B4GALT1: variants seen among roughly 807,000 people sequenced by gnomAD.
B4GALT1 encodes beta-1,4-galactosyltransferase 1.
B4GALT1 carries 16 observed loss-of-function variants against 34.9 expected under a neutral mutation model. That is an observed-to-expected ratio of 0.46 (90% confidence interval 0.31 to 0.70). The LOEUF (loss-of-function observed/expected upper bound fraction) is 0.70, where lower values mean the gene tolerates loss of function less well. Among genes scored for constraint, B4GALT1 ranks in the 30% least tolerant of loss-of-function variants. The pLI is 0.05. For missense variants in B4GALT1, 445 were observed against 530.5 expected, an observed-to-expected ratio of 0.84 and a Z score of 1.58; for synonymous variants, 221 against 218.1, an observed-to-expected ratio of 1.01 and a Z score of -0.12.
At chr9:33,120,679 A>T (rs1263863113) in intron 2 of B4GALT1, 73 bp from the exon 3 acceptor site, 4 of 1,473,850 alleles carry the variant, frequency 2.7e-6, no homozygotes, top group Non-Finnish European at 3.7e-6. Context: ...GGGACTGGTG[A>T]CTTGTCCACT....
chr9:33,126,815 C>G lies in B4GALT1; in HGVS notation c.649-6209G>C, dbSNP rs373429288. On this transcript the variant is annotated intron_variant, in intron 2 of 5. Coordinates refer to ENST00000379731, the MANE Select transcript of B4GALT1 (RefSeq NM_001497.4). ...GACACCACTCTCAAGAGTGAGCATA[C>G]CCTTGACCCCTGCCACACAGGAACA... is the stretch of plus-strand genomic sequence containing the variant. Among the ~76,000 whole-genome samples, 7 of 152,130 alleles carry G rather than the reference C, an allele frequency of 4.6e-5. 1 individual carries two copies. Among genetic ancestry groups the G allele is most frequent in the East Asian group, 3.9e-4 (2 of 5,186 alleles).
chr9:33,157,347 G>A (rs537759387), intron 1 of B4GALT1, among the ~76,000 whole-genome samples: 121 of 152,164 alleles, frequency 8.0e-4, no homozygotes, highest in Non-Finnish European at 1.5e-3. Flanking sequence ...TCTTCCCCAG[G>A]AATTTATCCC....
chr9:33,154,899 C>A (rs1564052448), intron 1 of B4GALT1, among the ~76,000 whole-genome samples: 1 of 151,984 alleles, frequency 6.6e-6, no homozygotes, highest in Non-Finnish European at 1.5e-5. Flanking sequence ...CAAGACAATT[C>A]TTCTTCCAGT....
chr9:33,130,434 T>C lies in B4GALT1; in HGVS notation c.648+4755A>G, dbSNP rs556170235. Among the ~76,000 whole-genome samples the C allele has an allele frequency of 1.2e-3, 186 of 150,972 alleles. 1 individual carries two copies. The highest frequency in any genetic ancestry group is 4.2e-3 in the African/African-American group (171 of 40,836). On this transcript the variant is annotated intron_variant, in intron 2 of 5. Transcript: ENST00000379731. ...ACGTCTCAGAGTACAAGGAGTCAAATAGTATTCTCCCATGCTGGTGAGCTA... is the reference window on the plus strand; with the variant it reads ...ACGTCTCAGAGTACAAGGAGTCAAACAGTATTCTCCCATGCTGGTGAGCTA...
At chr9:33,135,075 T>C (rs1229485038) in intron 2 of B4GALT1, 114 bp downstream of exon 2, 13 of 1,120,126 alleles carry the variant, frequency 1.2e-5, no homozygotes, top group Non-Finnish European at 1.7e-5. Context: ...TTCCTCGCTG[T>C]AAGTGCCAGG....
chr9:33,104,667 G>C (rs537771352), exon 3 of B4GALT1: 1 of 445,186 alleles, frequency 2.2e-6, no homozygotes, highest in Non-Finnish European at 4.5e-6. Flanking sequence ...CAGCCAGCAC[G>C]TCTCACGCTC....
At chr9:33,133,843 A>G (rs988388772) in intron 2 of B4GALT1, among the ~76,000 whole-genome samples, 1 of 152,142 alleles carries the variant, frequency 6.6e-6, no homozygotes, top group Admixed American at 6.5e-5. Flanking sequence ...TTCCTACCCC[A>G]GTGGGCATCT....
chr9:33,168,449 A>G (rs1176055868), upstream of B4GALT1, among the ~76,000 whole-genome samples: 2 of 152,244 alleles, frequency 1.3e-5, no homozygotes, highest in Admixed American at 6.5e-5. Context: ...GCCAACCATC[A>G]GGGAATAACA....
At chr9:33,169,484 T>G (rs1438670433), upstream of B4GALT1, among the ~76,000 whole-genome samples, 1 of 152,050 alleles carries the variant, frequency 6.6e-6, no homozygotes, top group Non-Finnish European at 1.5e-5. Flanking sequence ...TTATGCAGAA[T>G]GGCCTCCTGC....
intron 2 of B4GALT1, among the ~76,000 whole-genome samples, chr9:33,134,717 A>G (rs760803661): frequency 2.6e-5 from 4 of 152,224 alleles, no homozygotes; most frequent in Non-Finnish European, 4.4e-5. Context: ...AGGGGCTGGC[A>G]TGTAGGCATG....
At chr9:33,174,979 AAAAAAAAAAAAATAT>A in the B4GALT1 span, among the ~76,000 whole-genome samples, 19 of 43,294 alleles carry the variant, frequency 4.4e-4, no homozygotes, top group African/African-American at 8.2e-4. Flanking sequence ...AAAAAAAAAA[AAAAAAAAAAAAATAT>A]ATATATATAT....
At chr9:33,167,639 C>T (rs1840792031), upstream of B4GALT1, among the ~76,000 whole-genome samples, 1 of 152,210 alleles carries the variant, frequency 6.6e-6, no homozygotes, top group African/African-American at 2.4e-5. Flanking sequence ...ACGCTGCCCT[C>T]GACAGGCCGC....
At position 33,113,538 on chromosome 9, in the gene B4GALT1, C is replaced by T. The variant is rs767713354; in HGVS notation, c.1113G>A (p.Leu371=). 6.2e-7 allele frequency: 1 copy of T among 1,614,232 alleles called. No individual in the cohort carries two copies. The highest frequency in any genetic ancestry group is 1.7e-5 in the Admixed American group (1 of 60,026). Residue 371 remains leucine (L), a synonymous_variant, in exon 6 of 6, where the codon TTG becomes TTA. Coordinates refer to ENST00000379731, the MANE Select transcript of B4GALT1 (RefSeq NM_001497.4). ...HTKETMLSDG[L]NSLTYQVLDV... The stretch of plus-strand genomic sequence containing the variant: ...CCAGCACCTGGTAGGTGAGTGAGTT[C>T]AAACCATCAGAGAGCATTGTCTCCT...
intron 2 of B4GALT1, among the ~76,000 whole-genome samples, chr9:33,134,106 G>C (rs1046163537): frequency 3.9e-5 from 6 of 152,190 alleles, no homozygotes; most frequent in African/African-American, 1.4e-4. Flanking sequence ...GAGGCTTCGG[G>C]ACAGGGCAGG....
the B4GALT1 span, among the ~76,000 whole-genome samples, chr9:33,182,683 A>T: frequency 6.6e-6 from 1 of 152,182 alleles, no homozygotes; most frequent in African/African-American, 2.4e-5. Flanking sequence ...TCCCCGCTAT[A>T]TTCATCCTCC....
In B4GALT1 at chr9:33,120,115, C is replaced by G. The variant is rs553468108; in HGVS notation, c.836+304G>C. ...GACAGGATGGCATGAACCCGGGAGG[C>G]AGAGGTTGCGGTGAGCCAAGATCAC... On this transcript the variant is annotated intron_variant, in intron 3 of 5. Transcript: ENST00000379731. Among the ~76,000 whole-genome samples the G allele has an allele frequency of 1.1e-4, 16 of 151,146 alleles. No homozygotes were observed. The East Asian group carries it at 3.2e-3, about 30-fold the overall frequency.
At chr9:33,139,505 C>G (rs1394872950) in intron 1 of B4GALT1, among the ~76,000 whole-genome samples, 1 of 152,168 alleles carries the variant, frequency 6.6e-6, no homozygotes, top group East Asian at 1.9e-4. Context: ...CAGCTCACAC[C>G]TTTGAGACAA....
rs1247380560 is a variant in B4GALT1 at position 33,116,110 on chromosome 9, T to A, written c.840A>T (p.Leu280=). 1.9e-6 allele frequency: 3 copies of A among 1,613,024 alleles called. No individual in the cohort carries two copies. In the Admixed American group the frequency reaches 5.0e-5, roughly 27 times the overall value. Residue 280 remains leucine (L), a synonymous_variant, in exon 4 of 6, where the codon CTA becomes CTT. Coordinates refer to ENST00000379731, the MANE Select transcript of B4GALT1 (RefSeq NM_001497.4). The stretch of plus-strand genomic sequence containing the variant: ...CACCTCCAAAATACTGAACATAAGG[T>A]AGGCTGGAGGAAAAACATACACACA... ...SVAMDKFGFS[L]PYVQYFGGVS... is the part of the protein sequence containing the mutation.
At chr9:33,126,477 G>A (rs949797256) in intron 2 of B4GALT1, among the ~76,000 whole-genome samples, 13 of 151,636 alleles carry the variant, frequency 8.6e-5, no homozygotes, top group South Asian at 2.1e-4. Flanking sequence ...ACAGGGTCTC[G>A]CCATGTTGCC....
Sources: gnomAD v4.1 joint callset for allele counts (sites outside exome capture counted in the v4.1 genomes callset) on GRCh38, gnomAD v4.1.1 for gene constraint, MANE v1.5 for transcripts, NCBI Gene and HGNC (gene_info 2026-07-23, HGNC 2026-07-21) for gene names.